COMMD1: variants seen among roughly 807,000 people sequenced by gnomAD.
The protein encoded by COMMD1 is copper metabolism domain containing 1, also known as COMM domain-containing protein 1.
A neutral mutation model predicts 17.2 loss-of-function variants in COMMD1; 10 were observed. The ratio of observed to expected loss-of-function variants is 0.58; its 90% CI spans 0.36 to 0.99. The LOEUF (loss-of-function observed/expected upper bound fraction) is 0.99, where lower values mean the gene tolerates loss of function less well. Ranked by LOEUF, COMMD1 falls within the 50% of genes least tolerant of loss-of-function variation. COMMD1 has a pLI of 0.01. For synonymous variants in COMMD1, 97 were observed against 91.6 expected, an observed-to-expected ratio of 1.06 and a Z score of -0.34; for missense variants, 270 against 231.8, an observed-to-expected ratio of 1.17 and a Z score of -1.07.
At chr2:62,048,073 A>G (rs1285845757) in intron 2 of COMMD1, among the ~76,000 whole-genome samples, 1 of 152,178 alleles carries the variant, frequency 6.6e-6, no homozygotes, top group African/African-American at 2.4e-5. Flanking sequence ...CAAGTGACAC[A>G]TGACTGTATT....
At chr2:61,970,682 C>G (rs1308428079) in intron 1 of COMMD1, among the ~76,000 whole-genome samples, 1 of 152,112 alleles carries the variant, frequency 6.6e-6, no homozygotes, top group South Asian at 2.1e-4. Flanking sequence ...ATATGACTTA[C>G]TAGAAATACC....
chr2:61,989,671 C>T (rs1375947465), intron 1 of COMMD1, among the ~76,000 whole-genome samples: 1 of 151,946 alleles, frequency 6.6e-6, no homozygotes, highest in Non-Finnish European at 1.5e-5. Context: ...ACCATGTTGG[C>T]CAGCAGGTCT....
At chr2:62,000,037 C>G (rs1668882366) in intron 1 of COMMD1, among the ~76,000 whole-genome samples, 1 of 151,480 alleles carries the variant, frequency 6.6e-6, no homozygotes, top group South Asian at 2.1e-4. Context: ...ATTCTCCTGC[C>G]TCAGCCTCCC....
chr2:62,101,062 C>T (rs2104019970), intron 2 of COMMD1, among the ~76,000 whole-genome samples: 1 of 150,410 alleles, frequency 6.6e-6, no homozygotes, highest in South Asian at 2.1e-4. Flanking sequence ...GGACATGACT[C>T]CCCAGATCTC....
chr2:61,979,055 A>G (rs1250630723), intron 1 of COMMD1, among the ~76,000 whole-genome samples: 1 of 149,714 alleles, frequency 6.7e-6, no homozygotes, highest in Non-Finnish European at 1.5e-5. Context: ...ACTACGTCTT[A>G]TTTATTCTTT....
At chr2:62,013,737 G>GT (rs1395108259) in intron 2 of COMMD1, among the ~76,000 whole-genome samples, 1 of 152,142 alleles carries the variant, frequency 6.6e-6, no homozygotes, top group African/African-American at 2.4e-5. Flanking sequence ...GTAACACCTT[G>GT]TTTTTTCTTG....
intron 2 of COMMD1, among the ~76,000 whole-genome samples, chr2:62,076,501 C>G (rs1671339820): frequency 1.3e-5 from 2 of 152,264 alleles, no homozygotes; most frequent in South Asian, 4.1e-4. Flanking sequence ...AATCCCAACA[C>G]TTTAGGAGGC....
intron 1 of COMMD1, among the ~76,000 whole-genome samples, chr2:61,974,001 A>G (rs1671721708): frequency 6.6e-6 from 1 of 152,260 alleles, no homozygotes; most frequent in Non-Finnish European, 1.5e-5. Flanking sequence ...GCTCTAGAAC[A>G]TCATATAATG....
intron 2 of COMMD1, among the ~76,000 whole-genome samples, chr2:62,005,946 A>T (rs1669100346): frequency 6.6e-6 from 1 of 152,026 alleles, no homozygotes; most frequent in Non-Finnish European, 1.5e-5. Context: ...GAACCAACCC[A>T]AATGTCCAAC....
chr2:62,003,779 A>G (rs1669033753), intron 2 of COMMD1, among the ~76,000 whole-genome samples: 1 of 152,204 alleles, frequency 6.6e-6, no homozygotes, highest in Non-Finnish European at 1.5e-5. Context: ...CAGGAATATG[A>G]AAACATAATC....
chr2:61,910,798 T>G (rs767896701), intron 1 of COMMD1, among the ~76,000 whole-genome samples: 5 of 152,144 alleles, frequency 3.3e-5, no homozygotes, highest in Admixed American at 6.6e-5. Context: ...AACAAAAAAT[T>G]TTAGGCCGGG....
chr2:62,081,702 C>T (rs188365282), intron 2 of COMMD1, among the ~76,000 whole-genome samples: 62 of 152,136 alleles, frequency 4.1e-4, no homozygotes, highest in African/African-American at 6.5e-4. Flanking sequence ...CTTTTTCTCT[C>T]GGATGATTTA....
chr2:62,107,213 C>G (rs1458309878), intron 2 of COMMD1, among the ~76,000 whole-genome samples: 1 of 152,074 alleles, frequency 6.6e-6, no homozygotes, highest in East Asian at 1.9e-4. Flanking sequence ...TCAACTCTGT[C>G]TTCTAGGATG....
rs535176819 is a variant in COMMD1, at chr2:62,133,327, C to G, written c.463-2504C>G. On this transcript the variant is annotated intron_variant, in intron 2 of 2. Coordinates refer to ENST00000311832, the MANE Select transcript of COMMD1 (RefSeq NM_152516.4). Reference sequence around the variant, plus strand: ...CTTTTGGCTGATGGCAAAGTGACACCCTCCTTCTGAAGAAGCTTGTTGGCC... The same window carrying G: ...CTTTTGGCTGATGGCAAAGTGACACGCTCCTTCTGAAGAAGCTTGTTGGCC... Among the ~76,000 whole-genome samples the G allele has an allele frequency of 3.9e-5, 6 of 152,082 alleles. No homozygotes were observed. In the South Asian group the frequency reaches 1.2e-3, roughly 32 times the overall value.
chr2:61,894,017 T>C (rs1418795666), intron 1 of COMMD1, among the ~76,000 whole-genome samples: 1 of 152,128 alleles, frequency 6.6e-6, no homozygotes, highest in African/African-American at 2.4e-5. Flanking sequence ...CTTATGATTG[T>C]GCCTGTGACT....
At chr2:62,062,863 AGTTCGTG>A (rs1234480762) in intron 2 of COMMD1, among the ~76,000 whole-genome samples, 1 of 151,908 alleles carries the variant, frequency 6.6e-6, no homozygotes, top group Non-Finnish European at 1.5e-5. Flanking sequence ...TGAGCCCAGG[AGTTCGTG>A]ACCAGCCTGG....
chr2:62,017,326 C>CCA (rs912364952), intron 2 of COMMD1, among the ~76,000 whole-genome samples: 19 of 152,228 alleles, frequency 1.2e-4, no homozygotes, highest in Admixed American at 7.9e-4. Context: ...TGGCCTCCGT[C>CCA]CACACACACA....
chr2:61,999,887 T>C (rs1037244721), intron 1 of COMMD1, among the ~76,000 whole-genome samples: 2 of 152,078 alleles, frequency 1.3e-5, no homozygotes, highest in African/African-American at 4.8e-5. Flanking sequence ...ATTTTTGTTA[T>C]AAAGAGCTTA....
chr2:62,048,205 T>C (rs1670436086), intron 2 of COMMD1, among the ~76,000 whole-genome samples: 2 of 140,452 alleles, frequency 1.4e-5, no homozygotes, highest in Admixed American at 7.4e-5. Context: ...TTTTTTGAGA[T>C]GGAGTCTCGC....
Sources: gnomAD v4.1 joint callset for allele counts (sites outside exome capture counted in the v4.1 genomes callset) on GRCh38, gnomAD v4.1.1 for gene constraint, MANE v1.5 for transcripts, NCBI Gene and HGNC (gene_info 2026-07-23, HGNC 2026-07-21) for gene names.